ARHGAP15: variants seen among roughly 807,000 people sequenced by gnomAD.
ARHGAP15 encodes the protein Rho GTPase activating protein 15, also known as rho GTPase-activating protein 15.
A neutral mutation model predicts 63.7 loss-of-function variants in ARHGAP15; 51 were observed. That is an observed-to-expected ratio of 0.80 (90% CI 0.64 to 1.01). The LOEUF is 1.01. Among genes scored for constraint, ARHGAP15 ranks in the 50% least tolerant of loss-of-function variants. The pLI is 0.00. For synonymous variants in ARHGAP15, 191 were observed against 193.8 expected, an observed-to-expected ratio of 0.99 and a Z score of 0.12; for missense variants, 560 against 564.6, an observed-to-expected ratio of 0.99 and a Z score of 0.08.
chr2:143,512,401 A>G (rs1693629672), intron 9 of ARHGAP15, among the ~76,000 whole-genome samples: 1 of 152,208 alleles, frequency 6.6e-6, no homozygotes, highest in African/African-American at 2.4e-5. Context: ...ACTACCCAAA[A>G]CAAATGGCAG....
chr2:143,293,208 C>T (rs554020872), intron 6 of ARHGAP15, among the ~76,000 whole-genome samples: 3 of 152,090 alleles, frequency 2.0e-5, no homozygotes, highest in East Asian at 1.9e-4. Context: ...CCAATGGTCT[C>T]GAGAATCTTC....
chr2:143,226,443 G>A (rs944986146), intron 4 of ARHGAP15, among the ~76,000 whole-genome samples: 1 of 152,204 alleles, frequency 6.6e-6, no homozygotes, highest in African/African-American at 2.4e-5. Flanking sequence ...AGGGTGTTCT[G>A]TACTCCCTGA....
chr2:143,141,526 T>G (rs1348490803), intron 1 of ARHGAP15, among the ~76,000 whole-genome samples: 3 of 151,818 alleles, frequency 2.0e-5, no homozygotes, highest in African/African-American at 7.3e-5. Context: ...TGCCAAAATA[T>G]AATAGAAACA....
intron 10 of ARHGAP15, among the ~76,000 whole-genome samples, chr2:143,525,184 G>C (rs1213399219): frequency 6.6e-6 from 1 of 152,042 alleles, no homozygotes; most frequent in East Asian, 1.9e-4. Flanking sequence ...CGCACTAAAG[G>C]CTGATACTTC....
At chr2:143,621,142 A>C (rs556945502) in intron 11 of ARHGAP15, among the ~76,000 whole-genome samples, 32 of 152,174 alleles carry the variant, frequency 2.1e-4, no homozygotes, top group Non-Finnish European at 4.4e-4. Flanking sequence ...TGCTACTGGC[A>C]TCTATTAGAT....
intron 6 of ARHGAP15, among the ~76,000 whole-genome samples, chr2:143,294,606 G>A (rs1485626126): frequency 6.6e-6 from 1 of 151,970 alleles, no homozygotes; most frequent in Non-Finnish European, 1.5e-5. Context: ...ATGAAGAGGA[G>A]GAGGGTCCTA....
intron 6 of ARHGAP15, among the ~76,000 whole-genome samples, chr2:143,416,290 C>T (rs961987362): frequency 6.6e-5 from 10 of 151,980 alleles, no homozygotes; most frequent in African/African-American, 1.9e-4. Context: ...TACTTGGTCT[C>T]GTGGCATATA....
intron 5 of ARHGAP15, among the ~76,000 whole-genome samples, chr2:143,249,364 T>G (rs1186047266): frequency 2.0e-4 from 31 of 152,130 alleles, no homozygotes. Flanking sequence ...TATGTTGAAC[T>G]TATAGAATTG....
At chr2:143,277,991 A>C (rs1357728181) in intron 6 of ARHGAP15, among the ~76,000 whole-genome samples, 2 of 152,174 alleles carry the variant, frequency 1.3e-5, no homozygotes, top group African/African-American at 4.8e-5. Context: ...TTCTGAAAAC[A>C]ATTCCCTCCA....
At position 143,334,862 on chromosome 2, in the gene ARHGAP15, G is replaced by C. The variant is rs561244089; in HGVS notation, c.474+84262G>C. On this transcript the variant is annotated intron_variant, in intron 6 of 13. Transcript: ENST00000295095. ...ACCCAGCACTATGGGAGGCCAAGGTGGTTGGATCATCTGAGGTCGGGAGTT... is the reference window on the plus strand; with the variant it reads ...ACCCAGCACTATGGGAGGCCAAGGTCGTTGGATCATCTGAGGTCGGGAGTT... Among the ~76,000 whole-genome samples the C allele has an allele frequency of 7.2e-5, 11 of 152,298 alleles. No individual in the cohort carries two copies. The South Asian group carries it at 2.1e-3, about 29-fold the overall frequency.
chr2:143,417,882 A>G (rs1688752820), intron 6 of ARHGAP15, among the ~76,000 whole-genome samples: 1 of 152,238 alleles, frequency 6.6e-6, no homozygotes, highest in African/African-American at 2.4e-5. Flanking sequence ...AAGATTGTTT[A>G]TGAAGAGTTT....
intron 6 of ARHGAP15, among the ~76,000 whole-genome samples, chr2:143,345,912 C>T (rs1467366894): frequency 2.6e-5 from 4 of 151,948 alleles, no homozygotes; most frequent in Admixed American, 2.0e-4. Context: ...GAAATTGCAC[C>T]TGTTCATTAT....
intron 6 of ARHGAP15, among the ~76,000 whole-genome samples, chr2:143,371,357 GAAGA>G (rs1467149531): frequency 1.3e-5 from 2 of 152,100 alleles, no homozygotes; most frequent in Non-Finnish European, 2.9e-5. Context: ...CTCTAACAAT[GAAGA>G]AAGAGTTTTA....
intron 2 of ARHGAP15, among the ~76,000 whole-genome samples, chr2:143,169,257 G>A (rs926197491): frequency 6.6e-6 from 1 of 152,040 alleles, no homozygotes; most frequent in African/African-American, 2.4e-5. Flanking sequence ...GCAATAACTA[G>A]CTGAAGCTAA....
At chr2:143,292,328 C>A (rs1553459976) in intron 6 of ARHGAP15, among the ~76,000 whole-genome samples, 1 of 151,950 alleles carries the variant, frequency 6.6e-6, no homozygotes, top group Non-Finnish European at 1.5e-5. Context: ...TGTATTTTCT[C>A]AATATATAAT....
chr2:143,470,635 GTATA>G (rs1188511132), intron 8 of ARHGAP15, among the ~76,000 whole-genome samples: 1 of 141,288 alleles, frequency 7.1e-6, no homozygotes, highest in Non-Finnish European at 1.5e-5. Flanking sequence ...ACATATGTGT[GTATA>G]TATGTGTGTG....
chr2:143,513,332 C>T (rs1214157729), intron 9 of ARHGAP15, among the ~76,000 whole-genome samples: 7 of 152,142 alleles, frequency 4.6e-5, no homozygotes, highest in Admixed American at 2.0e-4. Context: ...AAATAATCAG[C>T]AGTGTACTTC....
At chr2:143,250,409 A>G in intron 5 of ARHGAP15, 102 bp from the exon 6 acceptor site, 3 of 830,838 alleles carry the variant, frequency 3.6e-6, no homozygotes, top group South Asian at 2.0e-5. Flanking sequence ...AAGGCATTAT[A>G]TCATAAATAT....
intron 8 of ARHGAP15, among the ~76,000 whole-genome samples, chr2:143,462,222 A>G (rs2105162175): frequency 6.6e-6 from 1 of 152,312 alleles, no homozygotes; most frequent in Middle Eastern, 3.4e-3. Context: ...GTGTAAAGTA[A>G]ATAAAGTAAA....
Sources: allele counts gnomAD v4.1 joint callset (sites outside exome capture counted in the v4.1 genomes callset), GRCh38; gene constraint gnomAD v4.1.1; transcripts MANE v1.5; gene names NCBI Gene and HGNC (gene_info 2026-07-23, HGNC 2026-07-21).